Variants in DNAH5 observed in about 807,000 individuals in gnomAD.
DNAH5 encodes axonemal beta dynein heavy chain 5.
In DNAH5, 372 loss-of-function variants were observed where a neutral mutation model predicts 518.2. The ratio of observed to expected loss-of-function variants is 0.72; its 90% confidence interval spans 0.66 to 0.78. The LOEUF (loss-of-function observed/expected upper bound fraction) is 0.78. Ranked by LOEUF, DNAH5 falls within the 30% of genes least tolerant of loss-of-function variation. DNAH5 has a pLI of 0.00. For synonymous variants in DNAH5, 2,039 were observed against 2,025.9 expected, an observed-to-expected ratio of 1.01 and a Z score of -0.17; for missense variants, 5,523 against 5,687.0, an observed-to-expected ratio of 0.97 and a Z score of 0.93.
At chr5:13,879,554 C>T (rs924960369) in intron 21 of DNAH5, among the ~76,000 whole-genome samples, 9 of 151,866 alleles carry the variant, frequency 5.9e-5, no homozygotes, top group African/African-American at 2.2e-4. Context: ...AAGATCCTCA[C>T]CAATATCAAG....
chr5:13,842,455 G>GAAAGAAAGAAAGAAAGAAAGAGAAAGA (rs1765371103), intron 32 of DNAH5, among the ~76,000 whole-genome samples: 1 of 104,782 alleles, frequency 9.5e-6, no homozygotes, highest in Non-Finnish European at 1.9e-5. Context: ...AAGAAAGAAA[G>GAAAGAAAGAAAGAAAGAAAGAGAAAGA]AAAGAAAGAA....
chr5:13,927,718 C>T (rs142789824), intron 3 of DNAH5, among the ~76,000 whole-genome samples: 98 of 152,210 alleles, frequency 6.4e-4, no homozygotes, highest in African/African-American at 2.4e-3. Context: ...ACATGTGAAA[C>T]AGGTGCCCAT....
chr5:13,737,706 T>C (rs1242369807), intron 65 of DNAH5, among the ~76,000 whole-genome samples: 2 of 151,932 alleles, frequency 1.3e-5, no homozygotes, highest in African/African-American at 2.4e-5. Context: ...GGGTGGATCA[T>C]TTGAAGTCGA....
intron 75 of DNAH5, among the ~76,000 whole-genome samples, chr5:13,712,872 T>C (rs1743688289): frequency 6.6e-6 from 1 of 152,060 alleles, no homozygotes; most frequent in Admixed American, 6.6e-5. Flanking sequence ...ACACTGCTGG[T>C]GGGAATGTAA....
chr5:13,886,033 C>A lies in DNAH5; in HGVS notation c.2674G>T (p.Val892Phe). Reference protein sequence around the residue: ...ELVNMLLDVEVLSEEESEKIS... With the variant: ...ELVNMLLDVEFLSEEESEKIS... ...TTTTCACTTTCTTCTTCAGATAAAA[C>A]TTCCACATCCAGCAACATATTTACA... is the stretch of plus-strand genomic sequence containing the variant. The change falls in exon 18 of 79, where the codon GTT becomes TTT. Residue 892 changes from valine (V) to phenylalanine (F), a missense_variant. Physicochemically the swap from Val to Phe is conservative, Grantham distance 50. Coordinates refer to ENST00000265104, the MANE Select transcript of DNAH5 (RefSeq NM_001369.3). 1.2e-6 allele frequency: 2 copies of A among 1,612,256 alleles called. No homozygotes were observed. The highest frequency in any genetic ancestry group is 8.5e-7 in the Non-Finnish European group (1 of 1,179,666).
chr5:13,965,413 A>T (rs962712874), intron 1 of DNAH5, among the ~76,000 whole-genome samples: 1 of 152,174 alleles, frequency 6.6e-6, no homozygotes, highest in Non-Finnish European at 1.5e-5. Flanking sequence ...AACCAATGTG[A>T]CTCTAAGGAA....
At chr5:13,931,403 A>G (rs2152009314) in intron 1 of DNAH5, among the ~76,000 whole-genome samples, 159 bp from the exon 2 acceptor site, 1 of 152,300 alleles carries the variant, frequency 6.6e-6, no homozygotes, top group South Asian at 2.1e-4. Flanking sequence ...CTATTTTTAG[A>G]AATAATTTAT....
In DNAH5 at chr5:13,944,448, G is replaced by A; in HGVS notation, c.-10C>T. ...TCCCAATCCTAAACATTGTAGCCGT[G>A]CATGGACAGGCTGGAGTCAGCTCTT... On this transcript the variant is annotated 5_prime_UTR_variant, in exon 1 of 79. Transcript: ENST00000265104. 1 of 1,612,184 alleles carries A rather than the reference G, an allele frequency of 6.2e-7. No individual in the cohort carries two copies. Among genetic ancestry groups the A allele is most frequent in the Non-Finnish European group, 8.5e-7 (1 of 1,179,582 alleles).
Position 13,788,711 on chromosome 5 carries a change from T to G in DNAH5, c.8647+5A>C, listed in dbSNP as rs748450478. 2.5e-5 allele frequency: 41 copies of G among 1,612,818 alleles called. No homozygotes were observed. Among genetic ancestry groups the G allele is most frequent in the Admixed American group, 3.3e-5 (2 of 59,986 alleles). The stretch of plus-strand genomic sequence containing the variant: ...GGAATTCCAAATTCCACTTCAATAG[T>G]TTACCTGCAGCTTCAGGTGCATCTC... On this transcript the variant is annotated splice_donor_5th_base_variant and intron_variant, in intron 51 of 78. Coordinates refer to ENST00000265104, the MANE Select transcript of DNAH5 (RefSeq NM_001369.3).
intron 1 of DNAH5, among the ~76,000 whole-genome samples, chr5:13,937,213 A>G (rs966439508): frequency 6.6e-6 from 1 of 150,850 alleles, no homozygotes; most frequent in African/African-American, 2.4e-5. Context: ...ATAACTTCAA[A>G]CTGATATTCC....
chr5:14,007,092 T>C (rs1025523014), intron 1 of DNAH5, among the ~76,000 whole-genome samples: 2 of 152,240 alleles, frequency 1.3e-5, no homozygotes, highest in African/African-American at 4.8e-5. Flanking sequence ...AGGACTCTTG[T>C]CTGTTTCTTC....
At chr5:13,918,654 G>C (rs1285415719) in intron 7 of DNAH5, among the ~76,000 whole-genome samples, 1 of 152,108 alleles carries the variant, frequency 6.6e-6, no homozygotes, top group Admixed American at 6.5e-5. Context: ...TGCTTTTTAA[G>C]AGATGGGGTT....
At chr5:13,884,361 A>G (rs564457135) in intron 19 of DNAH5, among the ~76,000 whole-genome samples, 1 of 152,336 alleles carries the variant, frequency 6.6e-6, no homozygotes, top group African/African-American at 2.4e-5. Context: ...TCTTATTACA[A>G]AAAGATTAAA....
At chr5:13,842,467 GAAAGA>G (rs1765383055) in intron 32 of DNAH5, among the ~76,000 whole-genome samples, 2 of 107,214 alleles carry the variant, frequency 1.9e-5, no homozygotes, top group Non-Finnish European at 3.9e-5. Flanking sequence ...AAGAAAGAAA[GAAAGA>G]AAGAAAGAAA....
intron 19 of DNAH5, 136 bp downstream of exon 19, chr5:13,884,853 A>C: frequency 2.9e-6 from 4 of 1,369,442 alleles, no homozygotes; most frequent in Non-Finnish European, 3.9e-6. Context: ...AAAAATTTAA[A>C]AAAAGATGAA....
chr5:13,768,160 C>T (rs990520613), intron 58 of DNAH5, among the ~76,000 whole-genome samples: 1 of 152,268 alleles, frequency 6.6e-6, no homozygotes, highest in Non-Finnish European at 1.5e-5. Context: ...CAAATCTCAT[C>T]GCAAACTGTA....
Position 13,839,524 on chromosome 5 carries a change from T to C in DNAH5, c.5714A>G (p.His1905Arg), listed in dbSNP as rs776745317. The change falls in exon 35 of 79, where the codon CAT becomes CGT. Residue 1905 changes from histidine (H) to arginine (R), a missense_variant. Physicochemically the swap from His to Arg is conservative, Grantham distance 29 (BLOSUM62 0). Coordinates refer to ENST00000265104, the MANE Select transcript of DNAH5 (RefSeq NM_001369.3). Reference sequence around the variant, plus strand: ...GTCCATGGGACTCTTGATATGCATATGACACTGAAATTCAAAAGGTATATG... The same window carrying C: ...GTCCATGGGACTCTTGATATGCATACGACACTGAAATTCAAAAGGTATATG... ...HQRDIFDDLC[H>R]MHIKSPMDFE... is the part of the protein sequence containing the mutation. 41 of 1,613,210 alleles carry C rather than the reference T, an allele frequency of 2.5e-5. No individual in the cohort carries two copies. Among genetic ancestry groups the C allele is most frequent in the Middle Eastern group, 1.7e-4 (1 of 5,846 alleles).
chr5:13,946,255 T>C (rs1175027391), upstream of DNAH5, among the ~76,000 whole-genome samples: 2 of 152,232 alleles, frequency 1.3e-5, no homozygotes, highest in Non-Finnish European at 2.9e-5. Flanking sequence ...AGTTACTTCC[T>C]GGGAAGATTT....
chr5:13,909,778 C>G (rs1429990024), intron 12 of DNAH5, among the ~76,000 whole-genome samples: 1 of 152,180 alleles, frequency 6.6e-6, no homozygotes, highest in Non-Finnish European at 1.5e-5. Flanking sequence ...ATTTCACCAT[C>G]TGCCTCCTAT....
Sources: allele counts gnomAD v4.1 joint callset (sites outside exome capture counted in the v4.1 genomes callset), GRCh38; gene constraint gnomAD v4.1.1; transcripts MANE v1.5; gene names NCBI Gene and HGNC (gene_info 2026-07-23, HGNC 2026-07-21).